The following PDZD2 variants were observed in gnomAD, a reference collection of about 807,000 sequenced individuals.
The protein encoded by PDZD2 is PDZ domain containing 2, also known as PDZ domain-containing protein 2.
PDZD2 carries 90 observed loss-of-function variants against 220.7 expected under a neutral mutation model. The observed-to-expected ratio is 0.41, with a 90% CI of 0.34 to 0.49. The LOEUF (loss-of-function observed/expected upper bound fraction) is 0.49, where lower values mean the gene tolerates loss of function less well. PDZD2 is among the 20% of genes least tolerant of loss of function. The pLI is 0.28. For synonymous variants in PDZD2, 1,375 were observed against 1,450.5 expected (o/e 0.95, Z 1.18); for missense variants, 3,174 against 3,608.5 (o/e 0.88, Z 3.08).
At chr5:32,005,595 T>C (rs1156790635) in intron 5 of PDZD2, among the ~76,000 whole-genome samples, 1 of 151,920 alleles carries the variant, frequency 6.6e-6, no homozygotes, top group African/African-American at 2.4e-5. Context: ...TTACTATCCA[T>C]TAACTGGAGT....
At chr5:31,745,844 A>T (rs531091600) in intron 1 of PDZD2, among the ~76,000 whole-genome samples, 10 of 150,214 alleles carry the variant, frequency 6.7e-5, no homozygotes, top group Non-Finnish European at 1.5e-4. Flanking sequence ...TTAAGAAATA[A>T]TGGGTCTGTT....
chr5:31,796,885 C>A (rs16901567), intron 1 of PDZD2, among the ~76,000 whole-genome samples: 19,558 of 151,544 alleles, frequency 0.13, 1,409 homozygotes, highest in African/African-American at 0.19. Flanking sequence ...TAAAGAGCAT[C>A]TTGACCAAGA....
At chr5:31,952,525 T>C (rs1449219663) in intron 2 of PDZD2, among the ~76,000 whole-genome samples, 1 of 152,218 alleles carries the variant, frequency 6.6e-6, no homozygotes, top group Non-Finnish European at 1.5e-5. Context: ...CCTTAACTTA[T>C]TGCATTCTTA....
intron 1 of PDZD2, among the ~76,000 whole-genome samples, chr5:31,778,016 G>C (rs935116225): frequency 6.6e-6 from 1 of 152,202 alleles, no homozygotes; most frequent in Non-Finnish European, 1.5e-5. Context: ...TCTGTGTCTA[G>C]CTCGGGGATT....
At chr5:31,869,234 C>T (rs182102144) in intron 2 of PDZD2, among the ~76,000 whole-genome samples, 105 of 152,300 alleles carry the variant, frequency 6.9e-4, no homozygotes, top group Non-Finnish European at 1.1e-3. Flanking sequence ...GTCAGCTGTG[C>T]GGGAGGAACC....
intron 1 of PDZD2, among the ~76,000 whole-genome samples, chr5:31,734,659 T>G (rs1049613064): frequency 6.6e-6 from 1 of 152,102 alleles, no homozygotes; most frequent in African/African-American, 2.4e-5. Flanking sequence ...GAGGCTTGAT[T>G]GACCTTTGGC....
intron 1 of PDZD2, among the ~76,000 whole-genome samples, chr5:31,643,029 C>T (rs2150101642): frequency 6.6e-6 from 1 of 152,294 alleles, no homozygotes; most frequent in South Asian, 2.1e-4. Context: ...ATGTTGAAGC[C>T]TCCATTTGCT....
rs1476623871 is a variant in PDZD2, at chr5:31,798,987, G to A, written c.-262G>A. ...TCCTGCTGTGAAATGAACCTGGCAG[G>A]GACTTGTTAGACACTTCCTTCCTTC... On this transcript the variant is annotated 5_prime_UTR_variant, in exon 2 of 25. Transcript: ENST00000438447. 1 of 495,154 alleles carries A rather than the reference G, an allele frequency of 2.0e-6. No homozygotes were observed. Among genetic ancestry groups the A allele is most frequent in the Non-Finnish European group, 3.6e-6 (1 of 278,632 alleles). The allele number at this position is 495,154 out of a possible 1,614,324, so 30.7% of individuals were successfully genotyped here.
chr5:31,849,965 CAT>C (rs1175899478), intron 2 of PDZD2, among the ~76,000 whole-genome samples: 565 of 31,184 alleles, frequency 0.018, 107 homozygotes, highest in Admixed American at 0.058. Context: ...TATATATACA[CAT>C]ATATATATAT....
At chr5:31,893,956 G>A (rs2150350859) in intron 2 of PDZD2, among the ~76,000 whole-genome samples, 1 of 151,656 alleles carries the variant, frequency 6.6e-6, no homozygotes, top group South Asian at 2.1e-4. Context: ...GTGCAATGGT[G>A]CAATCTTGGC....
intron 1 of PDZD2, among the ~76,000 whole-genome samples, chr5:31,762,488 A>G (rs1751710782): frequency 6.6e-6 from 1 of 151,996 alleles, no homozygotes; most frequent in African/African-American, 2.4e-5. Flanking sequence ...GGGTTTCACC[A>G]TGTTGGTCAG....
intron 2 of PDZD2, among the ~76,000 whole-genome samples, chr5:31,823,589 GAGA>G (rs1384952594): frequency 6.6e-6 from 1 of 152,148 alleles, no homozygotes; most frequent in Admixed American, 6.6e-5. Flanking sequence ...ACTGCAGATG[GAGA>G]AGTGCAACCT....
chr5:31,679,194 G>T (rs1008149267), intron 1 of PDZD2, among the ~76,000 whole-genome samples: 12 of 152,236 alleles, frequency 7.9e-5, no homozygotes, highest in African/African-American at 2.9e-4. Flanking sequence ...ATTGACAGGT[G>T]CCTGTTCTTT....
chr5:32,099,904 G>C (rs1003906990), intron 23 of PDZD2: 1 of 152,264 alleles, frequency 6.6e-6, no homozygotes, highest in African/African-American at 2.4e-5. Context: ...AGGTCTACCC[G>C]GTCCTATGCA....
intron 3 of PDZD2, among the ~76,000 whole-genome samples, chr5:31,991,462 T>G (rs764404781): frequency 1.3e-5 from 2 of 152,144 alleles, no homozygotes; most frequent in Non-Finnish European, 2.9e-5. Flanking sequence ...ACTTTTGGCT[T>G]GTGGATCATC....
At chr5:31,898,786 A>T (rs1741806585) in intron 2 of PDZD2, among the ~76,000 whole-genome samples, 1 of 149,676 alleles carries the variant, frequency 6.7e-6, no homozygotes, top group Non-Finnish European at 1.5e-5. Flanking sequence ...GATCCTTCTT[A>T]AGGATAGATG....
At position 32,029,394 on chromosome 5, in the gene PDZD2, G is replaced by A. The variant is rs923048435; in HGVS notation, c.1408-7837G>A. Reference sequence around the variant, plus strand: ...TTTCATGGATGCTGGCAGGAGACTTGAGATTCCTGAGTCAGAGACAAATGA... The same window carrying A: ...TTTCATGGATGCTGGCAGGAGACTTAAGATTCCTGAGTCAGAGACAAATGA... On this transcript the variant is annotated intron_variant, in intron 6 of 24. Coordinates refer to ENST00000438447, the MANE Select transcript of PDZD2 (RefSeq NM_178140.4). 6.3e-5 allele frequency among the ~76,000 whole-genome samples: 9 copies of A among 143,754 alleles called. No homozygotes were observed. In the South Asian group the frequency reaches 1.9e-3, roughly 31 times the overall value. 94.3% of individuals were successfully genotyped at this position (143,754 alleles called of 152,430 possible).
At chr5:31,843,671 C>T (rs1032571563) in intron 2 of PDZD2, 2 of 152,302 alleles carry the variant, frequency 1.3e-5, no homozygotes, top group African/African-American at 2.4e-5. Flanking sequence ...GAGTCTCCCC[C>T]ACACTGCTCC....
intron 1 of PDZD2, among the ~76,000 whole-genome samples, chr5:31,661,129 A>G (rs1046036262): frequency 3.3e-5 from 5 of 152,208 alleles, no homozygotes; most frequent in Non-Finnish European, 5.9e-5. Flanking sequence ...AGAAAGGGTT[A>G]GCTCTTCCAT....
Sources: gnomAD v4.1 joint callset for allele counts (sites outside exome capture counted in the v4.1 genomes callset) on GRCh38, gnomAD v4.1.1 for gene constraint, MANE v1.5 for transcripts, NCBI Gene and HGNC (gene_info 2026-07-23, HGNC 2026-07-21) for gene names.